Variants in GPAT4 observed in about 807,000 individuals in gnomAD.
GPAT4 encodes the protein 1-AGP acyltransferase 6.
In GPAT4, 17 loss-of-function variants were observed where a neutral mutation model predicts 58.0. That is an observed-to-expected ratio of 0.29 (90% confidence interval 0.20 to 0.44). The LOEUF is 0.44. GPAT4 is among the 20% of genes least tolerant of loss of function. GPAT4 has a pLI of 1.00. For missense variants in GPAT4, 377 were observed against 574.5 expected (o/e 0.66, Z 3.51); for synonymous variants, 204 against 210.1 (o/e 0.97, Z 0.25).
At chr8:41,606,351 C>A (rs1431487953) in intron 2 of GPAT4, among the ~76,000 whole-genome samples, 1 of 152,106 alleles carries the variant, frequency 6.6e-6, no homozygotes, top group East Asian at 1.9e-4. Context: ...AGAGGACACC[C>A]AGCTGGTGCC....
chr8:41,600,016 A>G (rs1458502318), intron 2 of GPAT4, among the ~76,000 whole-genome samples: 1 of 135,656 alleles, frequency 7.4e-6, no homozygotes, highest in East Asian at 2.1e-4. Context: ...AGCATTGTTC[A>G]TATTTTATCT....
chr8:41,592,171 TGGGCAGTAGGAAGAAAGATGGTTTA>T (rs879393107), intron 1 of GPAT4, among the ~76,000 whole-genome samples: 7 of 152,240 alleles, frequency 4.6e-5, no homozygotes, highest in Non-Finnish European at 1.0e-4. Flanking sequence ...CCTGTTTTTA[TGGGCAGTAGGAAGAAAGATGGTTTA>T]ATAGTGCCAA....
At position 41,599,234 on chromosome 8, in the gene GPAT4, T is replaced by C; in HGVS notation, c.95T>C (p.Val32Ala). ...LFTLLLVFII[V>A]PAIFGVSFGI... Reference sequence around the variant, plus strand: ...ACCCTCCTTCTCGTTTTCATCATAGTGCCAGCCATTTTTGGAGTCTCCTTT... The same window carrying C: ...ACCCTCCTTCTCGTTTTCATCATAGCGCCAGCCATTTTTGGAGTCTCCTTT... Residue 32 changes from valine (V) to alanine (A), a missense_variant, in exon 2 of 13, where the codon GTG becomes GCG. Transcript: ENST00000396987. 1 of 1,614,120 alleles carries C rather than the reference T, an allele frequency of 6.2e-7. No homozygotes were observed. Among genetic ancestry groups the C allele is most frequent in the Non-Finnish European group, 8.5e-7 (1 of 1,180,016 alleles).
intron 2 of GPAT4, 128 bp from the exon 3 acceptor site, chr8:41,609,288 C>CT: frequency 1.0e-6 from 1 of 970,936 alleles, no homozygotes; most frequent in East Asian, 2.6e-5. Flanking sequence ...TCCTTCTAGA[C>CT]TATGTGCTTC....
chr8:41,596,347 G>C (rs1378450563), intron 1 of GPAT4, among the ~76,000 whole-genome samples: 1 of 152,152 alleles, frequency 6.6e-6, no homozygotes, highest in African/African-American at 2.4e-5. Context: ...CAAAATCAGA[G>C]TATCAAGAGA....
At chr8:41,616,237 T>C (rs768861713) in intron 10 of GPAT4, among the ~76,000 whole-genome samples, 1 of 152,232 alleles carries the variant, frequency 6.6e-6, no homozygotes, top group Non-Finnish European at 1.5e-5. Context: ...TGCATCAGCA[T>C]TGCCTGCAGG....
At chr8:41,603,591 G>A (rs934429634) in intron 2 of GPAT4, among the ~76,000 whole-genome samples, 4 of 151,426 alleles carry the variant, frequency 2.6e-5, no homozygotes, top group Non-Finnish European at 4.4e-5. Context: ...CTGGGTAGGC[G>A]TTTTTTTAAA....
Position 41,579,361 on chromosome 8 carries a change from A to T in GPAT4, c.-849+1083A>T, listed in dbSNP as rs1353831410. 4.6e-5 allele frequency among the ~76,000 whole-genome samples: 7 copies of T among 152,214 alleles called. No individual in the cohort carries two copies. In the East Asian group the frequency reaches 1.3e-3, roughly 29 times the overall value. On this transcript the variant is annotated intron_variant, in intron 1 of 12. Coordinates refer to ENST00000396987, the MANE Select transcript of GPAT4 (RefSeq NM_178819.4). ...TTCCCCTCCCGTATGTCTCAGGGAG[A>T]ACTTGATGCAAGATGAGTCTGTCAA...
At chr8:41,600,745 A>G (rs780218310) in intron 2 of GPAT4, among the ~76,000 whole-genome samples, 1 of 152,208 alleles carries the variant, frequency 6.6e-6, no homozygotes, top group Non-Finnish European at 1.5e-5. Flanking sequence ...ACACTCATTA[A>G]GCATTCACTC....
chr8:41,590,579 C>T (rs1802763576), intron 1 of GPAT4, among the ~76,000 whole-genome samples: 2 of 152,168 alleles, frequency 1.3e-5, no homozygotes, highest in South Asian at 2.1e-4. Flanking sequence ...GTACAGCCAT[C>T]GTGAGGATTA....
intron 2 of GPAT4, among the ~76,000 whole-genome samples, chr8:41,599,659 G>A (rs191229759): frequency 2.6e-5 from 4 of 152,192 alleles, no homozygotes; most frequent in Non-Finnish European, 4.4e-5. Context: ...AGAAGCATGG[G>A]AGAGCCTCTT....
intron 1 of GPAT4, among the ~76,000 whole-genome samples, chr8:41,593,404 G>A (rs916304169): frequency 1.3e-5 from 2 of 152,174 alleles, no homozygotes; most frequent in Non-Finnish European, 2.9e-5. Flanking sequence ...TTGACTGGAT[G>A]TATACACTGG....
At chr8:41,582,152 C>T (rs181417920) in intron 1 of GPAT4, among the ~76,000 whole-genome samples, 3 of 150,494 alleles carry the variant, frequency 2.0e-5, no homozygotes, top group East Asian at 2.0e-4. Flanking sequence ...TACAGGCATG[C>T]GCCACCACGC....
At chr8:41,588,239 T>C (rs1802704056) in intron 1 of GPAT4, among the ~76,000 whole-genome samples, 1 of 152,242 alleles carries the variant, frequency 6.6e-6, no homozygotes, top group Non-Finnish European at 1.5e-5. Flanking sequence ...AAGCATGTAT[T>C]AATAAAGTGG....
In GPAT4 at chr8:41,618,740, G is replaced by A. The variant is rs866405704; in HGVS notation, c.1110G>A (p.Thr370=). 6.8e-6 allele frequency: 11 copies of A among 1,614,122 alleles called. No homozygotes were observed. The highest frequency in any genetic ancestry group is 4.0e-5 in the African/African-American group (3 of 74,938). The change falls in exon 11 of 13, where the codon ACG becomes ACA. Residue 370 remains threonine, a synonymous_variant. Coordinates refer to ENST00000396987, the MANE Select transcript of GPAT4 (RefSeq NM_178819.4). ...ACAGCAGCAAATACGGGATGGTGAC[G>A]TACCTGCTGCGAATGATGACCAGCT... ...FWNSSKYGMV[T]YLLRMMTSWA... is the part of the protein sequence containing the mutation.
chr8:41,584,861 G>T (rs542711508), intron 1 of GPAT4: 1 of 152,122 alleles, frequency 6.6e-6, no homozygotes, highest in East Asian at 1.9e-4. Context: ...GTTCTGGAGG[G>T]CATAATGATC....
intron 1 of GPAT4, among the ~76,000 whole-genome samples, chr8:41,580,250 T>C (rs1802476269): frequency 6.6e-6 from 1 of 152,182 alleles, no homozygotes; most frequent in African/African-American, 2.4e-5. Flanking sequence ...GGTATACCAG[T>C]TTGAGAAGAA....
intron 1 of GPAT4, among the ~76,000 whole-genome samples, chr8:41,585,760 A>G (rs1422395957): frequency 2.0e-5 from 3 of 152,228 alleles, no homozygotes; most frequent in Non-Finnish European, 2.9e-5. Context: ...ATGTTTGGCC[A>G]TCATGCTTTA....
chr8:41,606,581 G>A (rs574606047), intron 2 of GPAT4, among the ~76,000 whole-genome samples: 11 of 152,218 alleles, frequency 7.2e-5, no homozygotes, highest in Middle Eastern at 6.8e-3. Context: ...AAGAAAAGAC[G>A]TACAAATTTA....
Sources: gnomAD v4.1 joint callset for allele counts (sites outside exome capture counted in the v4.1 genomes callset) on GRCh38, gnomAD v4.1.1 for gene constraint, MANE v1.5 for transcripts, NCBI Gene and HGNC (gene_info 2026-07-23, HGNC 2026-07-21) for gene names.